Variants in NF1 observed in about 807,000 individuals in gnomAD.
NF1 encodes neurofibromin.
Under a neutral mutation model 325.7 loss-of-function variants are expected in NF1, and 122 were observed. The observed-to-expected ratio is 0.37, with a 90% CI of 0.32 to 0.44. The LOEUF (loss-of-function observed/expected upper bound fraction) is 0.44, where lower values mean the gene tolerates loss of function less well. Among genes scored for constraint, NF1 ranks in the 20% least tolerant of loss-of-function variants. NF1 has a pLI of 1.00. For missense variants in NF1, 2,140 were observed against 3,415.4 expected (o/e 0.63, Z 9.31); for synonymous variants, 1,091 against 1,186.0 (o/e 0.92, Z 1.65).
chr17:31,160,895 T>C (rs754073369), intron 3 of NF1, among the ~76,000 whole-genome samples: 6 of 152,360 alleles, frequency 3.9e-5, no homozygotes, highest in Middle Eastern at 6.8e-3. Flanking sequence ...ATGCATAAAA[T>C]GTATATTATC....
chr17:31,172,518 G>A (rs1268224676), intron 5 of NF1, among the ~76,000 whole-genome samples: 3 of 152,056 alleles, frequency 2.0e-5, no homozygotes, highest in Non-Finnish European at 4.4e-5. Flanking sequence ...AGTCTGCACC[G>A]GGCCTTGCGC....
chr17:31,343,389 T>G (rs1372853710), intron 48 of NF1, among the ~76,000 whole-genome samples: 1 of 149,050 alleles, frequency 6.7e-6, no homozygotes, highest in African/African-American at 2.5e-5. Flanking sequence ...TACAGAAAAT[T>G]TAAAAATTAG....
At chr17:31,275,492 ATTG>A (rs1480710201) in intron 36 of NF1, among the ~76,000 whole-genome samples, 22 of 152,174 alleles carry the variant, frequency 1.4e-4, no homozygotes, top group Admixed American at 6.5e-5. Flanking sequence ...CTATTTTATT[ATTG>A]TTTTTAATCT....
chr17:31,366,541 C>G (rs1404384552), intron 57 of NF1, among the ~76,000 whole-genome samples: 1 of 152,148 alleles, frequency 6.6e-6, no homozygotes, highest in Non-Finnish European at 1.5e-5. Flanking sequence ...AACCATTGCT[C>G]TAAACTTAGA....
chr17:31,136,910 A>T (rs984826673), intron 1 of NF1: 5 of 152,166 alleles, frequency 3.3e-5, no homozygotes, highest in Non-Finnish European at 5.9e-5. Flanking sequence ...TGCCCCATGG[A>T]TAAGGGGAGA....
Position 31,334,838 on chromosome 17 carries a change from G to A in NF1, c.5813G>A (p.Ser1938Asn), listed in dbSNP as rs906075234. ...EECISGFSKS[S>N]IELKHLCLEY... ...ATGCTAATAGTGTATTTTTTTCCAG[G>A]TATTGAATTGAAACACCTTTGTTTG... is the stretch of plus-strand genomic sequence containing the variant. The change falls in exon 40 of 58, where the codon AGT becomes AAT. Residue 1938 changes from serine (S) to asparagine (N), a missense_variant and splice_region_variant. Coordinates refer to ENST00000358273, the MANE Select transcript of NF1 (RefSeq NM_001042492.3). 2.4e-5 allele frequency: 38 copies of A among 1,612,000 alleles called. No homozygotes were observed. Among genetic ancestry groups the A allele is most frequent in the Middle Eastern group, 1.6e-4 (1 of 6,076 alleles).
intron 18 of NF1, 148 bp from the exon 19 acceptor site, chr17:31,227,070 G>A: frequency 1.3e-6 from 1 of 787,054 alleles, no homozygotes; most frequent in South Asian, 1.4e-5. Context: ...TACCTTTCCT[G>A]TGAGGTTAGT....
Position 31,227,474 on chromosome 17 carries a change from T to G in NF1, c.2326-49T>G, listed in dbSNP as rs200224452. On this transcript the variant is annotated intron_variant, in intron 19 of 57. Coordinates refer to ENST00000358273, the MANE Select transcript of NF1 (RefSeq NM_001042492.3). ...GAAACTTGGCTGTAGCTGATTGATG[T>G]TTAGCTCTAGACTAAGTTGCTTTCA... 3.0e-4 allele frequency: 475 copies of G among 1,589,712 alleles called. 3 individuals are homozygous for G. The highest frequency in any genetic ancestry group is 3.1e-4 in the Non-Finnish European group (362 of 1,158,070).
intron 36 of NF1, among the ~76,000 whole-genome samples, chr17:31,319,678 T>C (rs1376901528): frequency 6.6e-6 from 1 of 151,786 alleles, no homozygotes; most frequent in African/African-American, 2.4e-5. Flanking sequence ...TTGTCTCTTT[T>C]CATTTATATT....
At chr17:31,224,783 C>A (rs1210221300) in intron 16 of NF1, among the ~76,000 whole-genome samples, 1 of 152,134 alleles carries the variant, frequency 6.6e-6, no homozygotes, top group African/African-American at 2.4e-5. Flanking sequence ...TCATTGAGAT[C>A]AAATTATAGT....
chr17:31,135,141 C>T (rs1915669783), intron 1 of NF1, among the ~76,000 whole-genome samples: 1 of 152,114 alleles, frequency 6.6e-6, no homozygotes, highest in Non-Finnish European at 1.5e-5. Context: ...TTTTTGTCTG[C>T]TAGATCTTAC....
chr17:31,201,536 T>G, intron 11 of NF1, 51 bp downstream of exon 11: 3 of 1,324,792 alleles, frequency 2.3e-6, no homozygotes, highest in Non-Finnish European at 3.3e-6. Context: ...TTTCTTTCTT[T>G]TCTTTGCGTA....
At chr17:31,239,328 A>G (rs991926539) in intron 29 of NF1, among the ~76,000 whole-genome samples, 4 of 149,404 alleles carry the variant, frequency 2.7e-5, no homozygotes, top group Non-Finnish European at 5.9e-5. Context: ...ACCACTGAAG[A>G]AAGAATTGGT....
chr17:31,337,953 A>G (rs756131049), intron 44 of NF1, 72 bp from the exon 45 acceptor site: 11 of 1,532,560 alleles, frequency 7.2e-6, no homozygotes, highest in Middle Eastern at 1.7e-4. Flanking sequence ...TGTATGATCA[A>G]TGTTATAATT....
At chr17:31,193,884 A>T (rs1248645591) in intron 8 of NF1, among the ~76,000 whole-genome samples, 1 of 152,230 alleles carries the variant, frequency 6.6e-6, no homozygotes, top group East Asian at 1.9e-4. Flanking sequence ...AAGACAAAAA[A>T]TAGCAAATGC....
At chr17:31,113,643 C>T (rs568193049) in intron 1 of NF1, among the ~76,000 whole-genome samples, 3 of 152,254 alleles carry the variant, frequency 2.0e-5, no homozygotes, top group Non-Finnish European at 2.9e-5. Context: ...GATCCTTCCA[C>T]CTCAGCTTCC....
intron 12 of NF1, among the ~76,000 whole-genome samples, chr17:31,214,027 G>C (rs531558932): frequency 2.0e-5 from 3 of 152,218 alleles, no homozygotes; most frequent in African/African-American, 7.2e-5. Flanking sequence ...TAATGTTGTA[G>C]AGTCTATGAA....
chr17:31,170,740 G>T (rs2065916194), intron 5 of NF1, among the ~76,000 whole-genome samples: 1 of 152,108 alleles, frequency 6.6e-6, no homozygotes, highest in African/African-American at 2.4e-5. Flanking sequence ...TGATCTGAAG[G>T]AATTGAGATA....
intron 4 of NF1, among the ~76,000 whole-genome samples, chr17:31,166,695 T>A (rs2065852019): frequency 6.6e-6 from 1 of 151,956 alleles, no homozygotes; most frequent in African/African-American, 2.4e-5. Context: ...TTTCTTTTTG[T>A]GGGGAGTGGG....
Sources: gnomAD v4.1 joint callset for allele counts (sites outside exome capture counted in the v4.1 genomes callset) on GRCh38, gnomAD v4.1.1 for gene constraint, MANE v1.5 for transcripts, NCBI Gene and HGNC (gene_info 2026-07-23, HGNC 2026-07-21) for gene names.